The following PID1 variants were observed in gnomAD, a reference collection of about 807,000 sequenced individuals.
PID1 encodes PTB-containing, cubilin and LRP1-interacting protein.
In PID1, 10 loss-of-function variants were observed where a neutral mutation model predicts 19.1. The observed-to-expected ratio is 0.52, with a 90% CI of 0.32 to 0.89. PID1 has a LOEUF of 0.89. Ranked by LOEUF, PID1 falls within the 40% of genes least tolerant of loss-of-function variation. The probability of loss-of-function intolerance (pLI) is 0.03; values close to 1 mark genes in which losing one functional copy is unlikely to be tolerated. For missense variants in PID1, 248 were observed against 285.3 expected, an observed-to-expected ratio of 0.87 and a Z score of 0.94; for synonymous variants, 130 against 116.0, an observed-to-expected ratio of 1.12 and a Z score of -0.78.
rs146879073 is a variant in PID1, at chr2:229,086,672, T to C, written c.178-60564A>G. On this transcript the variant is annotated intron_variant, in intron 2 of 2. Transcript: ENST00000392055. Reference sequence around the variant, plus strand: ...AACTTAACTGAAGGCTTGATGGCAGTGAGACAGAGGGTGGAGTAACAACTA... The same window carrying C: ...AACTTAACTGAAGGCTTGATGGCAGCGAGACAGAGGGTGGAGTAACAACTA... Among the ~76,000 whole-genome samples the C allele has an allele frequency of 8.1e-4, 123 of 152,278 alleles. 2 individuals are homozygous for C. The East Asian group carries it at 0.021, about 26-fold the overall frequency.
intron 2 of PID1, among the ~76,000 whole-genome samples, chr2:229,036,284 C>T (rs990090285): frequency 6.6e-6 from 1 of 152,168 alleles, no homozygotes; most frequent in Non-Finnish European, 1.5e-5. Flanking sequence ...GTTGCAATGG[C>T]TCCAGAGTCC....
At chr2:229,157,533 C>G (rs1421837900) in intron 1 of PID1, among the ~76,000 whole-genome samples, 2 of 151,838 alleles carry the variant, frequency 1.3e-5, no homozygotes, top group Non-Finnish European at 2.9e-5. Context: ...AAGAAACATA[C>G]AGTGTGTGCA....
Position 229,067,816 on chromosome 2 carries a change from G to A in PID1, c.178-41708C>T, listed in dbSNP as rs530305642. ...TCTGTGGTGCTCTCCCACCTGCTGGGCCCCACGGTGCTCTGTCTTGTCATC... is the reference window on the plus strand; with the variant it reads ...TCTGTGGTGCTCTCCCACCTGCTGGACCCCACGGTGCTCTGTCTTGTCATC... On this transcript the variant is annotated intron_variant, in intron 2 of 2. Transcript: ENST00000392055. 1.6e-4 allele frequency among the ~76,000 whole-genome samples: 25 copies of A among 152,278 alleles called. No individual in the cohort carries two copies. In the East Asian group the frequency reaches 4.4e-3, roughly 27 times the overall value.
At chr2:229,044,918 CGT>C (rs1693843223) in intron 2 of PID1, among the ~76,000 whole-genome samples, 1 of 151,988 alleles carries the variant, frequency 6.6e-6, no homozygotes, top group Non-Finnish European at 1.5e-5. Context: ...GGCATAAAAA[CGT>C]ATTAGGTATT....
intron 2 of PID1, among the ~76,000 whole-genome samples, chr2:229,029,211 CT>C (rs1282196525): frequency 6.6e-6 from 1 of 151,446 alleles, no homozygotes; most frequent in African/African-American, 2.4e-5. Flanking sequence ...ACTTGTACCC[CT>C]GGACCTAAAA....
intron 1 of PID1, among the ~76,000 whole-genome samples, chr2:229,219,662 T>C (rs1460812210): frequency 1.3e-5 from 2 of 151,960 alleles, no homozygotes; most frequent in Non-Finnish European, 2.9e-5. Context: ...GCCTCCCAAG[T>C]AGCTAGGAGG....
chr2:229,151,661 C>T (rs1345391136), intron 2 of PID1, among the ~76,000 whole-genome samples: 10 of 151,874 alleles, frequency 6.6e-5, no homozygotes, highest in African/African-American at 2.4e-4. Context: ...AGCTCCACCT[C>T]CCGGGTTCAT....
intron 2 of PID1, among the ~76,000 whole-genome samples, chr2:229,084,475 G>A (rs1694726536): frequency 6.6e-6 from 1 of 152,158 alleles, no homozygotes; most frequent in African/African-American, 2.4e-5. Context: ...AAACGATTGA[G>A]CTGGCAATAG....
At chr2:229,234,297 A>T (rs1692277193) in intron 1 of PID1, among the ~76,000 whole-genome samples, 1 of 152,188 alleles carries the variant, frequency 6.6e-6, no homozygotes, top group South Asian at 2.1e-4. Context: ...AAGTATGGGC[A>T]TTATAGTGGG....
intron 2 of PID1, among the ~76,000 whole-genome samples, chr2:229,037,531 T>C (rs901972128): frequency 2.6e-5 from 4 of 152,208 alleles, no homozygotes; most frequent in Non-Finnish European, 5.9e-5. Flanking sequence ...CAATTGGCTC[T>C]TGGATGTGTG....
At chr2:229,171,778 T>C (rs1690716296) in intron 1 of PID1, among the ~76,000 whole-genome samples, 1 of 152,188 alleles carries the variant, frequency 6.6e-6, no homozygotes, top group African/African-American at 2.4e-5. Flanking sequence ...ACTAAACACA[T>C]GCCTAAGCCA....
intron 1 of PID1, among the ~76,000 whole-genome samples, chr2:229,221,495 A>G (rs1691969027): frequency 2.0e-5 from 3 of 151,982 alleles, no homozygotes; most frequent in Admixed American, 2.0e-4. Flanking sequence ...TCTTCATTCC[A>G]TCTGCACATC....
In PID1 at chr2:229,025,778, C is replaced by T. The variant is rs774492653; in HGVS notation, c.508G>A (p.Glu170Lys). The stretch of plus-strand genomic sequence containing the variant: ...AGTTTCTTGGCCTCGAGCTTGCTCT[C>T]GCACTCCACGGCGTGGCAGTCCATC... Reference protein sequence around the residue: ...YQMDCHAVECESKLEAKKLAH... With the variant: ...YQMDCHAVECKSKLEAKKLAH... The change falls in exon 3 of 3, where the codon GAG becomes AAG. Residue 170 changes from glutamate to lysine, a missense_variant. Glu to Lys is a moderately conservative substitution (Grantham distance 56). Coordinates refer to ENST00000392055, the MANE Select transcript of PID1 (RefSeq NM_001100818.2). The T allele has an allele frequency of 9.3e-6, 15 of 1,614,252 alleles. No individual in the cohort carries two copies. The highest frequency in any genetic ancestry group is 6.6e-5 in the South Asian group (6 of 91,090).
intron 2 of PID1, among the ~76,000 whole-genome samples, chr2:229,129,702 C>T (rs936612925): frequency 6.6e-6 from 1 of 152,108 alleles, no homozygotes; most frequent in Non-Finnish European, 1.5e-5. Flanking sequence ...CTATTTGTCC[C>T]TTTTCCCCCC....
intron 1 of PID1, among the ~76,000 whole-genome samples, chr2:229,265,093 G>C (rs1025825221): frequency 6.6e-6 from 1 of 152,160 alleles, no homozygotes; most frequent in Non-Finnish European, 1.5e-5. Flanking sequence ...GCTAGTAAGC[G>C]ATTGTGTCAA....
chr2:229,238,975 T>C (rs1337773409), intron 1 of PID1, among the ~76,000 whole-genome samples: 2 of 152,094 alleles, frequency 1.3e-5, no homozygotes, highest in Non-Finnish European at 2.9e-5. Flanking sequence ...AATACATCAC[T>C]TAATTTGAAA....
At chr2:229,126,101 T>C (rs1695617398) in intron 2 of PID1, among the ~76,000 whole-genome samples, 1 of 152,120 alleles carries the variant, frequency 6.6e-6, no homozygotes, top group Non-Finnish European at 1.5e-5. Context: ...ATCACGAGTT[T>C]GCAACACTCC....
chr2:229,050,565 T>C (rs1400593329), intron 2 of PID1, among the ~76,000 whole-genome samples: 2 of 152,222 alleles, frequency 1.3e-5, no homozygotes, highest in East Asian at 3.8e-4. Context: ...GCATGGTAGC[T>C]GCCAAATAAT....
chr2:229,169,707 T>C (rs1389715248), intron 1 of PID1, among the ~76,000 whole-genome samples: 1 of 152,192 alleles, frequency 6.6e-6, no homozygotes, highest in African/African-American at 2.4e-5. Flanking sequence ...CAGCTTCCTA[T>C]CTGCCTTCTC....
Sources: allele counts gnomAD v4.1 joint callset (sites outside exome capture counted in the v4.1 genomes callset), GRCh38; gene constraint gnomAD v4.1.1; transcripts MANE v1.5; gene names NCBI Gene and HGNC (gene_info 2026-07-23, HGNC 2026-07-21).